THEMIS: variants seen among roughly 807,000 people sequenced by gnomAD.
The protein encoded by THEMIS is thymocyte selection associated.
In THEMIS, 37 loss-of-function variants were observed where a neutral mutation model predicts 52.6. That is an observed-to-expected ratio of 0.70 (90% CI 0.54 to 0.93). The LOEUF (loss-of-function observed/expected upper bound fraction) is 0.93. Ranked by LOEUF, THEMIS falls within the 40% of genes least tolerant of loss-of-function variation. The pLI is 0.00. For synonymous variants in THEMIS, 292 were observed against 272.7 expected (o/e 1.07, Z -0.70); for missense variants, 808 against 763.1 (o/e 1.06, Z -0.69).
chr6:127,697,131 C>T, the THEMIS span, among the ~76,000 whole-genome samples: 1 of 152,196 alleles, frequency 6.6e-6, no homozygotes, highest in South Asian at 2.1e-4. Context: ...ATTAATGTGT[C>T]CAAAACTGAG....
At chr6:127,916,320 T>G (rs1028235203) in intron 1 of THEMIS, among the ~76,000 whole-genome samples, 1 of 152,042 alleles carries the variant, frequency 6.6e-6, no homozygotes, top group Non-Finnish European at 1.5e-5. Flanking sequence ...TATAGCTATA[T>G]TACAATAAAA....
At chr6:127,818,978 C>T (rs924668708) in intron 3 of THEMIS, among the ~76,000 whole-genome samples, 4 of 151,322 alleles carry the variant, frequency 2.6e-5, no homozygotes, top group Non-Finnish European at 4.4e-5. Flanking sequence ...ATTAGCCAGG[C>T]GCATGGTGGC....
chr6:127,712,652 T>G (rs750052387), intron 5 of THEMIS, among the ~76,000 whole-genome samples: 1 of 151,918 alleles, frequency 6.6e-6, no homozygotes, highest in Non-Finnish European at 1.5e-5. Flanking sequence ...TAGACAAGTT[T>G]CCTTGGAGAT....
At chr6:127,862,212 C>G (rs1779826013) in intron 1 of THEMIS, among the ~76,000 whole-genome samples, 1 of 152,000 alleles carries the variant, frequency 6.6e-6, no homozygotes, top group Non-Finnish European at 1.5e-5. Context: ...GACACAGCAG[C>G]CTGAGTGCCC....
chr6:127,775,873 T>A (rs1776551008), intron 4 of THEMIS, among the ~76,000 whole-genome samples: 1 of 152,200 alleles, frequency 6.6e-6, no homozygotes, highest in Non-Finnish European at 1.5e-5. Flanking sequence ...GTCAAGGGTT[T>A]TTTTAGTGTA....
At chr6:127,797,268 T>C (rs11967577) in intron 4 of THEMIS, among the ~76,000 whole-genome samples, 6,008 of 152,234 alleles carry the variant, frequency 0.039, 146 homozygotes, top group Middle Eastern at 0.065. Flanking sequence ...AACTAACCCT[T>C]TTTTTCATAG....
chr6:127,739,482 A>T (rs778249082), intron 4 of THEMIS, among the ~76,000 whole-genome samples: 5 of 152,130 alleles, frequency 3.3e-5, no homozygotes, highest in Non-Finnish European at 7.4e-5. Context: ...TCTACTAAAA[A>T]TACAAAAAAT....
At chr6:127,805,802 A>AG (rs1252691245) in intron 4 of THEMIS, among the ~76,000 whole-genome samples, 2 of 152,142 alleles carry the variant, frequency 1.3e-5, no homozygotes, top group African/African-American at 2.4e-5. Flanking sequence ...TTGCTCAAAT[A>AG]TATAGCTTAT....
At chr6:127,758,467 C>T (rs774885731) in intron 4 of THEMIS, among the ~76,000 whole-genome samples, 97 of 146,910 alleles carry the variant, frequency 6.6e-4, no homozygotes, top group Non-Finnish European at 1.2e-3. Context: ...ATATTTAATA[C>T]TACAGTAAAA....
intron 1 of THEMIS, among the ~76,000 whole-genome samples, chr6:127,859,962 A>C (rs1482448105): frequency 6.6e-6 from 1 of 152,178 alleles, no homozygotes; most frequent in East Asian, 1.9e-4. Flanking sequence ...AAGAAGGAGC[A>C]TCCCTCTAAA....
chr6:127,728,038 G>T (rs1005626789), intron 4 of THEMIS, among the ~76,000 whole-genome samples: 2 of 152,038 alleles, frequency 1.3e-5, no homozygotes, highest in Non-Finnish European at 2.9e-5. Context: ...TCTCCATTTT[G>T]CTCAGAATGG....
intron 4 of THEMIS, among the ~76,000 whole-genome samples, chr6:127,802,023 C>T (rs1357816848): frequency 1.3e-5 from 2 of 152,284 alleles, no homozygotes; most frequent in Non-Finnish European, 2.9e-5. Context: ...AGTAGGAACT[C>T]TGCATTTAAT....
intron 4 of THEMIS, among the ~76,000 whole-genome samples, chr6:127,797,742 T>G (rs925064035): frequency 5.3e-5 from 8 of 152,168 alleles, no homozygotes; most frequent in Non-Finnish European, 1.5e-5. Context: ...TAAAACAATC[T>G]TCTCTCTTTA....
intron 4 of THEMIS, among the ~76,000 whole-genome samples, chr6:127,789,903 A>G (rs543346850): frequency 9.1e-4 from 139 of 152,360 alleles, no homozygotes; most frequent in South Asian, 5.2e-3. Context: ...ATTTATGACA[A>G]ACCCACAGCC....
At chr6:127,883,105 C>T (rs1369858764) in intron 1 of THEMIS, among the ~76,000 whole-genome samples, 1 of 151,930 alleles carries the variant, frequency 6.6e-6, no homozygotes, top group South Asian at 2.1e-4. Flanking sequence ...AACGTAGTTA[C>T]TACTAGTGAT....
At chr6:127,739,143 C>T (rs1209825271) in intron 4 of THEMIS, among the ~76,000 whole-genome samples, 2 of 152,126 alleles carry the variant, frequency 1.3e-5, no homozygotes, top group Non-Finnish European at 2.9e-5. Context: ...CCACCCACCA[C>T]TCCATGACAA....
chr6:127,820,095 T>C (rs1778284379), intron 3 of THEMIS, among the ~76,000 whole-genome samples: 1 of 152,140 alleles, frequency 6.6e-6, no homozygotes, highest in Non-Finnish European at 1.5e-5. Context: ...AAGTGACCTA[T>C]ATTAGTTGTA....
chr6:127,893,866 A>T, intron 1 of THEMIS, among the ~76,000 whole-genome samples: 1 of 152,266 alleles, frequency 6.6e-6, no homozygotes, highest in Non-Finnish European at 1.5e-5. Flanking sequence ...ACATAAAACA[A>T]AAAATAGAAC....
chr6:127,879,689 A>T (rs1282595448), intron 1 of THEMIS, among the ~76,000 whole-genome samples: 1 of 151,552 alleles, frequency 6.6e-6, no homozygotes, highest in African/African-American at 2.4e-5. Flanking sequence ...TGAGCAAATT[A>T]TTTGCGGGCA....
Sources: gnomAD v4.1 joint callset for allele counts (sites outside exome capture counted in the v4.1 genomes callset) on GRCh38, gnomAD v4.1.1 for gene constraint, MANE v1.5 for transcripts, NCBI Gene and HGNC (gene_info 2026-07-23, HGNC 2026-07-21) for gene names.